The following SLC4A4 variants were observed in gnomAD, a reference collection of about 807,000 sequenced individuals.
The protein encoded by SLC4A4 is electrogenic sodium bicarbonate cotransporter 1.
In SLC4A4, 27 loss-of-function variants were observed where a neutral mutation model predicts 111.5. That is an observed-to-expected ratio of 0.24 (90% CI 0.18 to 0.33). SLC4A4 has a LOEUF of 0.33. Ranked by LOEUF, SLC4A4 falls within the 10% of genes least tolerant of loss-of-function variation. The probability of loss-of-function intolerance (pLI) is 1.00; values close to 1 mark genes in which losing one functional copy is unlikely to be tolerated. For synonymous variants in SLC4A4, 443 were observed against 463.4 expected (o/e 0.96, Z 0.57); for missense variants, 909 against 1,315.5 (o/e 0.69, Z 4.78).
At chr4:71,491,459 A>G (rs1380869179) in intron 15 of SLC4A4, among the ~76,000 whole-genome samples, 1 of 151,958 alleles carries the variant, frequency 6.6e-6, no homozygotes, top group Non-Finnish European at 1.5e-5. Context: ...TCATGTCTGC[A>G]TGGGTTTTCA....
chr4:71,418,862 G>A (rs1180295313), intron 7 of SLC4A4, among the ~76,000 whole-genome samples: 2 of 152,122 alleles, frequency 1.3e-5, no homozygotes, highest in African/African-American at 2.4e-5. Context: ...ATGTACAGAC[G>A]GGTTTTTGGT....
chr4:71,466,930 GAAGA>G (rs1727381469), intron 13 of SLC4A4, among the ~76,000 whole-genome samples: 1 of 48,374 alleles, frequency 2.1e-5, no homozygotes, highest in Non-Finnish European at 5.7e-5. Flanking sequence ...AACAAGACGG[GAAGA>G]GAGAGAGAGA....
At chr4:71,291,079 G>A (rs570841788) in intron 3 of SLC4A4, among the ~76,000 whole-genome samples, 18 of 152,284 alleles carry the variant, frequency 1.2e-4, no homozygotes, top group African/African-American at 4.3e-4. Context: ...CATGCCAAAA[G>A]AACAGAGCCA....
intron 2 of SLC4A4, among the ~76,000 whole-genome samples, chr4:71,178,470 A>G (rs955836543): frequency 7.2e-5 from 11 of 152,120 alleles, no homozygotes; most frequent in African/African-American, 2.7e-4. Flanking sequence ...AAGACTAATA[A>G]AGAAGAAAAG....
intron 3 of SLC4A4, among the ~76,000 whole-genome samples, chr4:71,268,047 A>G (rs1722417257): frequency 7.4e-6 from 1 of 134,280 alleles, no homozygotes. Context: ...ATTTATTCCT[A>G]TGATATCAGT....
At chr4:71,315,332 A>G (rs1157170634) in intron 3 of SLC4A4, among the ~76,000 whole-genome samples, 5 of 152,184 alleles carry the variant, frequency 3.3e-5, no homozygotes, top group African/African-American at 1.2e-4. Context: ...TTTGAACTAT[A>G]TAATTACTTT....
intron 16 of SLC4A4, among the ~76,000 whole-genome samples, chr4:71,503,727 G>A (rs1731148853): frequency 1.3e-5 from 2 of 152,076 alleles, no homozygotes. Context: ...GATTTATGTA[G>A]CACCATTATA....
intron 14 of SLC4A4, among the ~76,000 whole-genome samples, chr4:71,476,116 C>T (rs1359011888): frequency 2.6e-5 from 4 of 151,732 alleles, no homozygotes. Context: ...GTTATTTGCA[C>T]TTTCATGACA....
At chr4:71,088,731 C>T (rs1742275318) in intron 1 of SLC4A4, among the ~76,000 whole-genome samples, 1 of 151,936 alleles carries the variant, frequency 6.6e-6, no homozygotes, top group African/African-American at 2.4e-5. Context: ...TGAATATTGG[C>T]CCCCACTCTC....
Position 71,316,024 on chromosome 4 carries a change from A to G in SLC4A4, c.254-23346A>G, listed in dbSNP as rs543281636. Among the ~76,000 whole-genome samples, 4 of 152,298 alleles carry G rather than the reference A, an allele frequency of 2.6e-5. No individual in the cohort carries two copies. The South Asian group carries it at 8.3e-4, about 32-fold the overall frequency. ...CTGCCTTTAAGAACAAGTTTAAATC[A>G]TGAACTGCTTTATTTAGAGCCAGTT... On this transcript the variant is annotated intron_variant, in intron 3 of 25. Coordinates refer to ENST00000264485, the MANE Select transcript of SLC4A4 (RefSeq NM_001098484.3).
At chr4:71,119,201 G>A (rs559229311) in intron 2 of SLC4A4, among the ~76,000 whole-genome samples, 96 of 152,058 alleles carry the variant, frequency 6.3e-4, no homozygotes, top group East Asian at 3.8e-4. Context: ...TCAACTTTGC[G>A]GTGAAAATAA....
chr4:71,159,451 G>A (rs1015412059), intron 2 of SLC4A4, among the ~76,000 whole-genome samples: 1 of 151,994 alleles, frequency 6.6e-6, no homozygotes, highest in African/African-American at 2.4e-5. Flanking sequence ...TTGGCTCACT[G>A]CAACCTCTGC....
At chr4:71,343,913 T>G (rs1729097611) in intron 4 of SLC4A4, among the ~76,000 whole-genome samples, 1 of 152,016 alleles carries the variant, frequency 6.6e-6, no homozygotes, top group African/African-American at 2.4e-5. Context: ...TGTTCTGTCT[T>G]CCCTGAACCC....
At chr4:71,337,029 T>G (rs1464740921) in intron 3 of SLC4A4, among the ~76,000 whole-genome samples, 1 of 152,232 alleles carries the variant, frequency 6.6e-6, no homozygotes, top group Non-Finnish European at 1.5e-5. Flanking sequence ...GCTGTCTGTG[T>G]GTGAACTGAA....
intron 7 of SLC4A4, among the ~76,000 whole-genome samples, chr4:71,419,566 G>A (rs1722196816): frequency 6.6e-6 from 1 of 152,202 alleles, no homozygotes; most frequent in Non-Finnish European, 1.5e-5. Flanking sequence ...GTATTTGAGT[G>A]GGAGTGACCC....
intron 7 of SLC4A4, among the ~76,000 whole-genome samples, chr4:71,404,831 T>C (rs957246854): frequency 4.6e-5 from 7 of 152,122 alleles, no homozygotes; most frequent in Admixed American, 2.0e-4. Flanking sequence ...AGTCTCACTC[T>C]GTTACCCAGG....
intron 2 of SLC4A4, among the ~76,000 whole-genome samples, chr4:71,238,914 G>C (rs1719992947): frequency 1.3e-5 from 2 of 152,116 alleles, no homozygotes; most frequent in Admixed American, 1.3e-4. Flanking sequence ...TGGTTCCAGT[G>C]ATTGAGAATG....
At chr4:71,097,160 C>G (rs1560717314) in intron 2 of SLC4A4, among the ~76,000 whole-genome samples, 1 of 152,078 alleles carries the variant, frequency 6.6e-6, no homozygotes, top group Non-Finnish European at 1.5e-5. Flanking sequence ...TTTTTGTGTT[C>G]CTCTCCCTCC....
At chr4:71,335,193 G>A (rs536519842) in intron 3 of SLC4A4, among the ~76,000 whole-genome samples, 8 of 152,136 alleles carry the variant, frequency 5.3e-5, no homozygotes, top group Admixed American at 5.2e-4. Flanking sequence ...TAGCAAACCT[G>A]CACATGTACG....
Sources: allele counts gnomAD v4.1 joint callset (sites outside exome capture counted in the v4.1 genomes callset), GRCh38; gene constraint gnomAD v4.1.1; transcripts MANE v1.5; gene names NCBI Gene and HGNC (gene_info 2026-07-23, HGNC 2026-07-21).